The following BRWD1 variants were observed in gnomAD, a reference collection of about 807,000 sequenced individuals.
BRWD1 encodes bromodomain and WD repeat-containing protein 1.
In BRWD1, 82 loss-of-function variants were observed where a neutral mutation model predicts 251.2. The ratio of observed to expected loss-of-function variants is 0.33; its 90% CI spans 0.27 to 0.39. The LOEUF is 0.39. BRWD1 is among the 10% of genes least tolerant of loss of function. The pLI is 1.00. For synonymous variants in BRWD1, 918 were observed against 902.8 expected, an observed-to-expected ratio of 1.02 and a Z score of -0.30; for missense variants, 2,233 against 2,711.6, an observed-to-expected ratio of 0.82 and a Z score of 3.92.
In BRWD1 at chr21:39,200,208, G is replaced by A. The variant is rs748103203; in HGVS notation, c.4753+11C>T. The A allele has an allele frequency of 1.3e-6, 2 of 1,594,022 alleles. No individual in the cohort carries two copies. The highest frequency in any genetic ancestry group is 2.2e-5 in the East Asian group (1 of 44,706). ...ATATACATTCCATAAAAGTACTACT[G>A]AGTCTCTTACCAGTTTTTCTTTGAG... On this transcript the variant is annotated intron_variant, in intron 39 of 40. Transcript: ENST00000342449.
chr21:39,298,643 T>C, intron 4 of BRWD1, 61 bp from the exon 5 acceptor site: 1 of 1,376,630 alleles, frequency 7.3e-7, no homozygotes, highest in Non-Finnish European at 9.7e-7. Context: ...ATTAAATACT[T>C]AGGGATAAGT....
intron 17 of BRWD1, among the ~76,000 whole-genome samples, chr21:39,259,001 T>G (rs1382400196): frequency 6.6e-6 from 1 of 152,196 alleles, no homozygotes; most frequent in Non-Finnish European, 1.5e-5. Context: ...TATATTTCAC[T>G]AAAATCTTAT....
downstream of BRWD1, chr21:39,185,184 G>GGATTTCAT (rs2031143241): frequency 6.7e-6 from 1 of 149,322 alleles, no homozygotes; most frequent in African/African-American, 2.5e-5. Flanking sequence ...AGCCAAAAAA[G>GGATTTCAT]GATTTCATTA....
chr21:39,312,728 C>T (rs2036534016), intron 4 of BRWD1, 113 bp downstream of exon 4: 2 of 685,258 alleles, frequency 2.9e-6, no homozygotes, highest in Non-Finnish European at 2.3e-6. Flanking sequence ...CGGGCCGCCC[C>T]CCAGTGCGGG....
chr21:39,316,748 G>A (rs1368534030), upstream of BRWD1, among the ~76,000 whole-genome samples: 1 of 152,140 alleles, frequency 6.6e-6, no homozygotes, highest in East Asian at 1.9e-4. Flanking sequence ...AGACCAGCCT[G>A]AGTAACATAG....
intron 5 of BRWD1, chr21:39,297,619 G>T: frequency 4.3e-6 from 1 of 234,712 alleles, no homozygotes; most frequent in South Asian, 1.5e-4. Context: ...CATGGCTAGA[G>T]CACTAAGAAA....
intron 4 of BRWD1, among the ~76,000 whole-genome samples, chr21:39,302,776 A>G (rs1459487610): frequency 6.7e-6 from 1 of 149,400 alleles, no homozygotes; most frequent in Non-Finnish European, 1.5e-5. Context: ...AAAAAAAAGT[A>G]AGGCCAGGCA....
chr21:39,208,709 T>G lies in BRWD1; in HGVS notation c.4197+1286A>C, dbSNP rs113761929. On this transcript the variant is annotated intron_variant, in intron 36 of 40. Coordinates refer to ENST00000342449, the MANE Select transcript of BRWD1 (RefSeq NM_033656.4). Reference sequence around the variant, plus strand: ...TCATGCCTCGTGCCTATAGGTGGGATTACAGGCAAGCGCCAACACGGGCTA... The same window carrying G: ...TCATGCCTCGTGCCTATAGGTGGGAGTACAGGCAAGCGCCAACACGGGCTA... Among the ~76,000 whole-genome samples the G allele has an allele frequency of 4.1e-3, 629 of 152,066 alleles. 4 individuals are homozygous for G. Among genetic ancestry groups the G allele is most frequent in the African/African-American group, 0.014 (582 of 41,468 alleles).
Position 39,198,846 on chromosome 21 carries a change from G to A in BRWD1, c.5570C>T (p.Ser1857Phe), listed in dbSNP as rs760398509. 4 of 1,613,996 alleles carry A rather than the reference G, an allele frequency of 2.5e-6. No individual in the cohort carries two copies. Among genetic ancestry groups the A allele is most frequent in the Admixed American group, 3.3e-5 (2 of 60,006 alleles). ...ACATCCATGATCTGAGGAACACTGG[G>A]ACATAGCAATAGGGTCACAGTTCAG... ...GNLNCDPIAM[S>F]QCSSDHGCET... The change falls in exon 40 of 41, where the codon TCC becomes TTC. Residue 1857 changes from serine to phenylalanine, a missense_variant. Around this residue, in one of 12 missense-constraint regions of BRWD1, gnomAD observed 928 missense variants for 970.0 expected, o/e 0.96. Coordinates refer to ENST00000342449, the MANE Select transcript of BRWD1 (RefSeq NM_033656.4).
In BRWD1 at chr21:39,255,465, A is replaced by T. The variant is rs147298890; in HGVS notation, c.2255+180T>A. On this transcript the variant is annotated intron_variant, in intron 19 of 40. Coordinates refer to ENST00000342449, the MANE Select transcript of BRWD1 (RefSeq NM_033656.4). ...TGGCTCTGAAAACCTTTAATGTAGT[A>T]AAAACATTAGAGAATAATTCTGACA... 3.9e-5 allele frequency among the ~76,000 whole-genome samples: 6 copies of T among 152,266 alleles called. No individual in the cohort carries two copies. The East Asian group carries it at 1.2e-3, about 29-fold the overall frequency.
rs1189872794 is a variant in BRWD1, at chr21:39,196,320, T to C, written c.6749A>G (p.His2250Arg). The change falls in exon 41 of 41, where the codon CAT becomes CGT. Residue 2250 changes from histidine (H) to arginine (R), a missense_variant. Coordinates refer to ENST00000342449, the MANE Select transcript of BRWD1 (RefSeq NM_033656.4). The stretch of plus-strand genomic sequence containing the variant: ...TAAACTTCTGTCATCATCCCCATCA[T>C]GGTATCTCACAGTCCTTCTACCCTG... The part of the protein sequence containing the change: ...RNQGRRTVRY[H>R]DGDDDRSLEN... 4.3e-6 allele frequency: 7 copies of C among 1,612,692 alleles called. No homozygotes were observed. The highest frequency in any genetic ancestry group is 5.1e-6 in the Non-Finnish European group (6 of 1,179,384).
rs190184875 is a variant in BRWD1 at position 39,195,389 on chromosome 21, C to T, written c.*870G>A. 2,294 of 984,850 alleles carry T rather than the reference C, an allele frequency of 2.3e-3. 5 individuals carry two copies. Among genetic ancestry groups the T allele is most frequent in the South Asian group, 3.4e-3 (72 of 21,272 alleles). The allele number at this position is 984,850 out of a possible 1,614,324, so 61.0% of individuals were successfully genotyped here. A position where few individuals can be genotyped will look rare whatever the true frequency, so the allele number is the denominator to read the frequency against. ...AACACACTTCTAAATCTAAGGCACA[C>T]GAATTCCTCTATTTCACAGAGTAAG... On this transcript the variant is annotated 3_prime_UTR_variant, in exon 41 of 41. Coordinates refer to ENST00000342449, the MANE Select transcript of BRWD1 (RefSeq NM_033656.4).
At chr21:39,292,965 C>T (rs1394770189) in intron 8 of BRWD1, among the ~76,000 whole-genome samples, 2 of 151,800 alleles carry the variant, frequency 1.3e-5, no homozygotes, top group African/African-American at 2.4e-5. Context: ...CCATCATAAC[C>T]GTCACTATGA....
At position 39,313,447 on chromosome 21, in the gene BRWD1, C is replaced by T; in HGVS notation, c.45G>A (p.Glu15=). The T allele has an allele frequency of 2.9e-6, 4 of 1,377,570 alleles. No individual in the cohort carries two copies. Among genetic ancestry groups the T allele is most frequent in the Middle Eastern group, 2.5e-4 (1 of 3,946 alleles). 85.3% of individuals were successfully genotyped at this position (1,377,570 alleles called of 1,614,324 possible). A position where few individuals can be genotyped will look rare whatever the true frequency, so the allele number is the denominator to read the frequency against. Residue 15 remains glutamate, a synonymous_variant, in exon 1 of 41, where the codon GAG becomes GAA. Coordinates refer to ENST00000342449, the MANE Select transcript of BRWD1 (RefSeq NM_033656.4). ...TGGCACGGCCTCGCGTCTTACCCGA[C>T]TCGATGAGAGGCACCGGGCGTCGGG... ...SSARRPVPLI[E]SELYFLIARY...
chr21:39,212,823 T>G, intron 33 of BRWD1, 116 bp from the exon 34 acceptor site: 2 of 690,870 alleles, frequency 2.9e-6, no homozygotes, highest in Non-Finnish European at 2.3e-6. Context: ...TAACATGTTA[T>G]TATCAAAATC....
intron 9 of BRWD1, among the ~76,000 whole-genome samples, chr21:39,279,638 CAAAAAAAA>C (rs77282416): frequency 1.5e-5 from 1 of 66,892 alleles, no homozygotes; most frequent in South Asian, 5.6e-4. Context: ...GACTCCATCT[CAAAAAAAA>C]AAAAAAAAAA....
At chr21:39,185,363 T>G (rs2031173855), downstream of BRWD1, 1 of 148,674 alleles carries the variant, frequency 6.7e-6, no homozygotes, top group African/African-American at 2.5e-5. Context: ...GTATTTCATT[T>G]TATAGTTACT....
At chr21:39,276,889 T>C (rs1321877810) in intron 11 of BRWD1, among the ~76,000 whole-genome samples, 1 of 152,096 alleles carries the variant, frequency 6.6e-6, no homozygotes, top group African/African-American at 2.4e-5. Context: ...GTGACATACC[T>C]CCCCTTTAAA....
At chr21:39,262,700 C>T (rs775347851) in intron 17 of BRWD1, among the ~76,000 whole-genome samples, 5 of 151,780 alleles carry the variant, frequency 3.3e-5, no homozygotes, top group Non-Finnish European at 5.9e-5. Flanking sequence ...GCCGACGGAG[C>T]AAGACTCCGT....
Sources: allele counts gnomAD v4.1 joint callset (sites outside exome capture counted in the v4.1 genomes callset), GRCh38; gene constraint gnomAD v4.1.1; regional missense constraint gnomAD v4.1.1; transcripts MANE v1.5; gene names NCBI Gene and HGNC (gene_info 2026-07-23, HGNC 2026-07-21).